Variants in TUBA3D observed in about 807,000 individuals in gnomAD.
The protein encoded by TUBA3D is tubulin alpha-3D chain.
A neutral mutation model predicts 36.1 loss-of-function variants in TUBA3D; 24 were observed. The observed-to-expected ratio is 0.66, with a 90% CI of 0.48 to 0.93. TUBA3D has a LOEUF of 0.93. Among genes scored for constraint, TUBA3D ranks in the 40% least tolerant of loss-of-function variants. The probability of loss-of-function intolerance (pLI) is 0.00; values close to 1 mark genes in which losing one functional copy is unlikely to be tolerated. For missense variants in TUBA3D, 356 were observed against 614.5 expected, an observed-to-expected ratio of 0.58 and a Z score of 4.45; for synonymous variants, 185 against 247.2, an observed-to-expected ratio of 0.75 and a Z score of 2.36.
chr2:131,476,345 GGGATCGTTTCCT>G (rs2105267251), intron 1 of TUBA3D, 143 bp downstream of exon 1: 1 of 1,444,486 alleles, frequency 6.9e-7, no homozygotes, highest in Admixed American at 2.3e-5. Flanking sequence ...AGGAGGACAC[GGGATCGTTTCCT>G]GGATCTTTGG....
chr2:131,479,951 T>C, intron 3 of TUBA3D, 118 bp from the exon 4 acceptor site: 1 of 1,386,878 alleles, frequency 7.2e-7, no homozygotes, highest in Non-Finnish European at 9.7e-7. Context: ...GCATGTTTAT[T>C]ATGGATGATT....
Position 131,480,615 on chromosome 2 carries a change from C to T in TUBA3D, c.922C>T (p.Arg308Cys), listed in dbSNP as rs373541855. ...PANQMVKCDPRHGKYMACCML... is the reference protein window; with the variant it reads ...PANQMVKCDPCHGKYMACCML... ...CAATCAAATGGTCAAGTGTGACCCT[C>T]GCCACGGCAAGTACATGGCCTGCTG... The change falls in exon 4 of 5, where the codon CGC becomes TGC. Residue 308 changes from arginine (R) to cysteine (C), a missense_variant. Around this residue, in one of 3 missense-constraint regions of TUBA3D, gnomAD observed 156 missense variants for 219.8 expected, o/e 0.71. Coordinates refer to ENST00000321253, the MANE Select transcript of TUBA3D (RefSeq NM_080386.4). 1.5e-5 allele frequency: 24 copies of T among 1,613,534 alleles called. No individual in the cohort carries two copies. The highest frequency in any genetic ancestry group is 3.3e-5 in the Admixed American group (2 of 59,992).
At position 131,476,642 on chromosome 2, in the gene TUBA3D, G is replaced by A. The variant is rs1197770725; in HGVS notation, c.3+440G>A. 3.3e-5 allele frequency among the ~76,000 whole-genome samples: 5 copies of A among 152,162 alleles called. No homozygotes were observed. The East Asian group carries it at 9.6e-4, about 29-fold the overall frequency. On this transcript the variant is annotated intron_variant, in intron 1 of 4. Transcript: ENST00000321253. Reference sequence around the variant, plus strand: ...GCAACATTGCCTTGTTCACCTAAAGGCAACCGTTAGGCCAGGCGCGGCGGC... The same window carrying A: ...GCAACATTGCCTTGTTCACCTAAAGACAACCGTTAGGCCAGGCGCGGCGGC...
rs756603518 is a variant in TUBA3D at position 131,482,856 on chromosome 2, G to A, written c.*8G>A. 1.6e-5 allele frequency: 26 copies of A among 1,610,478 alleles called. No individual in the cohort carries two copies. The highest frequency in any genetic ancestry group is 2.2e-5 in the Non-Finnish European group (26 of 1,177,440). On this transcript the variant is annotated 3_prime_UTR_variant, in exon 5 of 5. Coordinates refer to ENST00000321253, the MANE Select transcript of TUBA3D (RefSeq NM_080386.4). ...GAAGGCGAAGAATACTGAGGGGAGGGTGTGGTGGGTTCTCCCCTGCCACCC... is the reference window on the plus strand; with the variant it reads ...GAAGGCGAAGAATACTGAGGGGAGGATGTGGTGGGTTCTCCCCTGCCACCC...
intron 3 of TUBA3D, 109 bp from the exon 4 acceptor site, chr2:131,479,960 T>C (rs1198929798): frequency 1.1e-5 from 15 of 1,399,200 alleles, no homozygotes; most frequent in Non-Finnish European, 1.3e-5. Flanking sequence ...TTATGGATGA[T>C]TTGAATCCAT....
rs561098265 is a variant in TUBA3D, at chr2:131,480,764, T to G, written c.1056+15T>G. 1 of 1,602,074 alleles carries G rather than the reference T, an allele frequency of 6.2e-7. No individual in the cohort carries two copies. Among genetic ancestry groups the G allele is most frequent in the South Asian group, 1.1e-5 (1 of 90,326 alleles). On this transcript the variant is annotated intron_variant, in intron 4 of 4. Coordinates refer to ENST00000321253, the MANE Select transcript of TUBA3D (RefSeq NM_080386.4). ...CTGGATTTAAGGTATGACTGGGTGA[T>G]GTGGAGGCCTTTCAGCAAGCAGCAG...
chr2:131,476,127 G>A lies in TUBA3D; in HGVS notation c.-73G>A, dbSNP rs375662778. On this transcript the variant is annotated 5_prime_UTR_variant, in exon 1 of 5. Transcript: ENST00000321253. ...CGGCGCGCACAGGCAGGAGGTTGCA[G>A]TTGGGCGCTCAGCAGCTGTGGCAGC... 6.6e-5 allele frequency: 107 copies of A among 1,611,804 alleles called. 1 individual carries two copies. In the African/African-American group the frequency reaches 1.2e-3, roughly 19 times the overall value.
In TUBA3D at chr2:131,480,650, C is replaced by A; in HGVS notation, c.957C>A (p.Tyr319Ter). The change falls in exon 4 of 5, where the codon TAC (tyrosine) becomes TAA (stop). Residue 319 changes from tyrosine (Y) to a stop codon, truncating the protein, a stop_gained. Coordinates refer to ENST00000321253, the MANE Select transcript of TUBA3D (RefSeq NM_080386.4). LOFTEE classifies it high-confidence loss of function. ...HGKYMACCML[Y>*]RGDVVPKDVN... ...AGTACATGGCCTGCTGCATGTTGTA[C>A]AGGGGGGACGTGGTCCCCAAAGACG... 1 of 1,613,684 alleles carries A rather than the reference C, an allele frequency of 6.2e-7. No individual in the cohort carries two copies. Among genetic ancestry groups the A allele is most frequent in the Non-Finnish European group, 8.5e-7 (1 of 1,180,042 alleles).
chr2:131,477,262 T>C (rs563686424), intron 1 of TUBA3D, among the ~76,000 whole-genome samples: 125 of 151,996 alleles, frequency 8.2e-4, no homozygotes, highest in African/African-American at 2.9e-3. Context: ...GGTCTCAAAC[T>C]GGTCCCAAGT....
intron 1 of TUBA3D, among the ~76,000 whole-genome samples, chr2:131,476,416 T>C (rs1678669011): frequency 3.3e-5 from 5 of 152,184 alleles, no homozygotes; most frequent in Admixed American, 3.3e-4. Context: ...GCTGCCGGCC[T>C]TTAGTGAACG....
At chr2:131,482,486 A>G (rs35676146) in intron 4 of TUBA3D, 66 bp from the exon 5 acceptor site, 7 of 1,536,638 alleles carry the variant, frequency 4.6e-6, no homozygotes, top group East Asian at 2.3e-5. Flanking sequence ...TGTTTGAGGA[A>G]AAGTAGCTAC....
Position 131,482,625 on chromosome 2 carries a change from T to C in TUBA3D, c.1130T>C (p.Met377Thr). The change falls in exon 5 of 5, where the codon ATG (methionine) becomes ACG (threonine). Residue 377 changes from methionine to threonine, a missense_variant. Physicochemically the swap from Met to Thr is moderately conservative, Grantham distance 81 (BLOSUM62 -1). Transcript: ENST00000321253. ...GCCAAGGTGCAGCGGGCCGTGTGCA[T>C]GCTGAGCAACACCACGGCCATTGCG... ...DLAKVQRAVCMLSNTTAIAEA... is the reference protein window; with the variant it reads ...DLAKVQRAVCTLSNTTAIAEA... 3 of 1,614,186 alleles carry C rather than the reference T, an allele frequency of 1.9e-6. No individual in the cohort carries two copies. In the East Asian group the frequency reaches 6.7e-5, roughly 36 times the overall value.
At chr2:131,482,498 ATTTCTAGGT>A in intron 4 of TUBA3D, 45 bp from the exon 5 acceptor site, 1 of 1,542,290 alleles carries the variant, frequency 6.5e-7, no homozygotes, top group Non-Finnish European at 8.7e-7. Flanking sequence ...AGTAGCTACC[ATTTCTAGGT>A]TTGATATAAG....
intron 3 of TUBA3D, among the ~76,000 whole-genome samples, chr2:131,479,771 C>T (rs397833169): frequency 2.6e-5 from 4 of 152,020 alleles, no homozygotes; most frequent in East Asian, 1.9e-4. Flanking sequence ...ACCCGGAAGG[C>T]GGAGGTTGCA....
In TUBA3D at chr2:131,482,653, G is replaced by A; in HGVS notation, c.1158G>A (p.Glu386=). The part of the protein sequence containing the change: ...CMLSNTTAIA[E]AWARLDHKFD... ...TGAGCAACACCACGGCCATTGCGGA[G>A]GCCTGGGCCCGCCTGGACCATAAGT... The change falls in exon 5 of 5, where the codon GAG becomes GAA. Residue 386 remains glutamate (E), a synonymous_variant. Transcript: ENST00000321253. The A allele has an allele frequency of 2.5e-6, 4 of 1,614,226 alleles. No individual in the cohort carries two copies. The highest frequency in any genetic ancestry group is 3.4e-6 in the Non-Finnish European group (4 of 1,180,044).
intron 1 of TUBA3D, 134 bp from the exon 2 acceptor site, chr2:131,478,030 T>C: frequency 8.1e-7 from 1 of 1,240,252 alleles, no homozygotes; most frequent in East Asian, 2.6e-5. Flanking sequence ...TCACTAACCC[T>C]CCTAGGAAAT....
In TUBA3D at chr2:131,480,582, G is replaced by C; in HGVS notation, c.889G>C (p.Glu297Gln). 1 of 1,611,520 alleles carries C rather than the reference G, an allele frequency of 6.2e-7. No homozygotes were observed. The highest frequency in any genetic ancestry group is 1.7e-4 in the Middle Eastern group (1 of 6,048). Residue 297 changes from glutamate to glutamine, a missense_variant, in exon 4 of 5, where the codon GAG becomes CAG. Physicochemically the swap from Glu to Gln is conservative, Grantham distance 29. Coordinates refer to ENST00000321253, the MANE Select transcript of TUBA3D (RefSeq NM_080386.4). ...GGCCGAGATCACCAATGCCTGCTTC[G>C]AGCCAGCCAATCAAATGGTCAAGTG... ...SVAEITNACFEPANQMVKCDP... is the reference protein window; with the variant it reads ...SVAEITNACFQPANQMVKCDP...
chr2:131,480,502 C>T lies in TUBA3D; in HGVS notation c.809C>T (p.Ala270Val), dbSNP rs1450361745. The T allele has an allele frequency of 1.3e-6, 2 of 1,591,494 alleles. No homozygotes were observed. The highest frequency in any genetic ancestry group is 1.7e-6 in the Non-Finnish European group (2 of 1,172,722). Residue 270 changes from alanine to valine, a missense_variant, in exon 4 of 5, where the codon GCC becomes GTC. Transcript: ENST00000321253. The stretch of plus-strand genomic sequence containing the variant: ...TACCCCCGCATCCACTTCCCCCTGG[C>T]CACCTATGCCCCAGTCATCTCAGCT... ...VPYPRIHFPL[A>V]TYAPVISAEK...
rs140245426 is a variant in TUBA3D at position 131,480,527 on chromosome 2, T to C, written c.834T>C (p.Ala278=). The C allele has an allele frequency of 4.6e-3, 7,447 of 1,603,904 alleles. 209 individuals carry two copies. Among genetic ancestry groups the C allele is most frequent in the African/African-American group, 8.1e-3 (551 of 67,890 alleles). Reference sequence around the variant, plus strand: ...CCACCTATGCCCCAGTCATCTCAGCTGAGAAGGCCTACCACGAGCAGCTGT... The same window carrying C: ...CCACCTATGCCCCAGTCATCTCAGCCGAGAAGGCCTACCACGAGCAGCTGT... ...PLATYAPVIS[A]EKAYHEQLSV... The change falls in exon 4 of 5, where the codon GCT becomes GCC. Residue 278 remains alanine (A), a synonymous_variant. Transcript: ENST00000321253.
Sources: allele counts gnomAD v4.1 joint callset (sites outside exome capture counted in the v4.1 genomes callset), GRCh38; gene constraint gnomAD v4.1.1; regional missense constraint gnomAD v4.1.1; transcripts MANE v1.5; gene names NCBI Gene and HGNC (gene_info 2026-07-23, HGNC 2026-07-21).